The following TMC1 variants were observed in gnomAD, a reference collection of about 807,000 sequenced individuals.
TMC1 encodes transmembrane channel like 1.
In TMC1, 84 loss-of-function variants were observed where a neutral mutation model predicts 105.8. The ratio of observed to expected loss-of-function variants is 0.79; its 90% CI spans 0.67 to 0.95. The LOEUF (loss-of-function observed/expected upper bound fraction) is 0.95. TMC1 is among the 40% of genes least tolerant of loss of function. The probability of loss-of-function intolerance (pLI) is 0.00; values close to 1 mark genes in which losing one functional copy is unlikely to be tolerated. For synonymous variants in TMC1, 315 were observed against 311.5 expected (o/e 1.01, Z -0.12); for missense variants, 817 against 914.1 (o/e 0.89, Z 1.37).
chr9:72,646,665 G>A (rs1217174103), intron 4 of TMC1, among the ~76,000 whole-genome samples: 1 of 149,792 alleles, frequency 6.7e-6, no homozygotes, highest in Non-Finnish European at 1.5e-5. Flanking sequence ...ATGGAGTCTC[G>A]CCCCGTCCTG....
At chr9:72,588,157 TA>T (rs1824583000) in intron 2 of TMC1, among the ~76,000 whole-genome samples, 1 of 152,162 alleles carries the variant, frequency 6.6e-6, no homozygotes, top group South Asian at 2.1e-4. Context: ...CCCTAATGAC[TA>T]TCATGCTGAT....
chr9:72,548,404 T>G (rs1823806494), intron 1 of TMC1, among the ~76,000 whole-genome samples: 2 of 152,178 alleles, frequency 1.3e-5, no homozygotes, highest in African/African-American at 4.8e-5. Context: ...AAATTCCATC[T>G]CTACTAAAAA....
At chr9:72,536,453 C>A (rs568474181) in intron 1 of TMC1, among the ~76,000 whole-genome samples, 10 of 152,138 alleles carry the variant, frequency 6.6e-5, no homozygotes, top group Non-Finnish European at 1.2e-4. Flanking sequence ...CTGCCTCAGC[C>A]TCCTGAGTAG....
At chr9:72,555,605 G>A (rs554755128) in intron 1 of TMC1, among the ~76,000 whole-genome samples, 2 of 151,836 alleles carry the variant, frequency 1.3e-5, no homozygotes, top group African/African-American at 2.4e-5. Flanking sequence ...GCTTCCTTGG[G>A]TCCTTTTGCC....
At chr9:72,758,664 T>C (rs1195631366) in intron 12 of TMC1, among the ~76,000 whole-genome samples, 1 of 152,018 alleles carries the variant, frequency 6.6e-6, no homozygotes, top group Non-Finnish European at 1.5e-5. Flanking sequence ...TGTCCTAGAA[T>C]TGGACAATAA....
intron 4 of TMC1, among the ~76,000 whole-genome samples, chr9:72,647,659 G>A (rs1476267507): frequency 2.0e-5 from 3 of 152,162 alleles, no homozygotes; most frequent in African/African-American, 7.2e-5. Context: ...AATTTAGGGT[G>A]TGCTCCATAC....
intron 8 of TMC1, among the ~76,000 whole-genome samples, chr9:72,701,201 A>C (rs898960920): frequency 1.3e-5 from 2 of 152,212 alleles, no homozygotes; most frequent in African/African-American, 4.8e-5. Flanking sequence ...TGCTAGGCCA[A>C]CAGAATAGTA....
chr9:72,798,508 A>G (rs184744169), intron 17 of TMC1, among the ~76,000 whole-genome samples: 11 of 152,278 alleles, frequency 7.2e-5, no homozygotes, highest in Non-Finnish European at 1.2e-4. Flanking sequence ...ATACCATGGA[A>G]TATTATGCAG....
chr9:72,824,287 GT>G (rs1828919080), intron 20 of TMC1, among the ~76,000 whole-genome samples: 1 of 152,244 alleles, frequency 6.6e-6, no homozygotes, highest in South Asian at 2.1e-4. Context: ...GGATGGCAGT[GT>G]CTTAGCAGCT....
chr9:72,565,682 A>C (rs1448313257), intron 1 of TMC1, among the ~76,000 whole-genome samples: 2 of 152,206 alleles, frequency 1.3e-5, no homozygotes, highest in Non-Finnish European at 2.9e-5. Context: ...TAACGGACTC[A>C]CCGTTCCACA....
intron 1 of TMC1, among the ~76,000 whole-genome samples, chr9:72,553,192 C>T (rs1027113448): frequency 1.3e-5 from 2 of 152,008 alleles, no homozygotes; most frequent in Non-Finnish European, 2.9e-5. Flanking sequence ...AGGCTGGTCT[C>T]GAACTCCCAA....
intron 2 of TMC1, among the ~76,000 whole-genome samples, chr9:72,615,450 G>A (rs1414160328): frequency 1.3e-5 from 2 of 152,156 alleles, no homozygotes; most frequent in African/African-American, 4.8e-5. Context: ...AGATAATTTT[G>A]AGGGCATTAT....
chr9:72,693,732 T>C (rs2132188774), intron 6 of TMC1, among the ~76,000 whole-genome samples: 1 of 152,252 alleles, frequency 6.6e-6, no homozygotes, highest in South Asian at 2.1e-4. Flanking sequence ...TAATGTTATG[T>C]TATAAACTTT....
chr9:72,543,577 G>T (rs1306716846), intron 1 of TMC1, among the ~76,000 whole-genome samples: 1 of 152,144 alleles, frequency 6.6e-6, no homozygotes, highest in Non-Finnish European at 1.5e-5. Context: ...GAGGTCAGGA[G>T]TTTGAGATCA....
At chr9:72,796,944 C>A (rs1017464067) in intron 17 of TMC1, among the ~76,000 whole-genome samples, 7 of 152,106 alleles carry the variant, frequency 4.6e-5, no homozygotes, top group African/African-American at 1.7e-4. Context: ...TCTTTGTTTG[C>A]AGATGACATG....
chr9:72,614,124 T>C (rs909377431), intron 2 of TMC1, among the ~76,000 whole-genome samples: 14 of 152,352 alleles, frequency 9.2e-5, no homozygotes, highest in Admixed American at 8.5e-4. Flanking sequence ...ATATTTCCTT[T>C]GACTAATGTC....
chr9:72,616,544 T>C (rs942265679), intron 3 of TMC1, 67 bp downstream of exon 3: 3 of 151,472 alleles, frequency 2.0e-5, no homozygotes, highest in African/African-American at 7.3e-5. Context: ...CACTGAACTT[T>C]AGGGCTTAGT....
intron 1 of TMC1, among the ~76,000 whole-genome samples, chr9:72,571,790 A>G (rs548265820): frequency 2.0e-5 from 3 of 152,004 alleles, no homozygotes; most frequent in South Asian, 2.1e-4. Context: ...TGCTTTCTTT[A>G]GAAGCAACAA....
chr9:72,702,903 G>A (rs1826667947), intron 8 of TMC1, among the ~76,000 whole-genome samples: 1 of 152,064 alleles, frequency 6.6e-6, no homozygotes, highest in Admixed American at 6.5e-5. Context: ...GCATTGGAAA[G>A]AAGGACAATA....
Sources: gnomAD v4.1 joint callset for allele counts (sites outside exome capture counted in the v4.1 genomes callset) on GRCh38, gnomAD v4.1.1 for gene constraint, MANE v1.5 for transcripts, NCBI Gene and HGNC (gene_info 2026-07-23, HGNC 2026-07-21) for gene names.